The following PYROXD1 variants were observed in gnomAD, a reference collection of about 807,000 sequenced individuals.
PYROXD1 encodes the protein tRNA ligase complex-associated NAD(P)H dehydrogenase PYROXD1.
In PYROXD1, 42 loss-of-function variants were observed where a neutral mutation model predicts 62.0. The observed-to-expected ratio is 0.68, with a 90% CI of 0.53 to 0.88. The LOEUF (loss-of-function observed/expected upper bound fraction) is 0.88. Among genes scored for constraint, PYROXD1 ranks in the 40% least tolerant of loss-of-function variants. The pLI, the probability that PYROXD1 is intolerant of heterozygous loss-of-function variation, is 0.00. For missense variants in PYROXD1, 493 were observed against 604.8 expected (o/e 0.82, Z 1.94); for synonymous variants, 170 against 206.4 (o/e 0.82, Z 1.51).
At position 21,462,787 on chromosome 12, in the gene PYROXD1, C is replaced by T; in HGVS notation, c.1041C>T (p.His347=). ...DGGLKVDDHM[H]TSLPDIYAAG... ...GCCTGAAAGTGGATGATCATATGCA[C>T]ACATCCCTTCCTGATATCTATGCTG... Residue 347 remains histidine (H), a synonymous_variant, in exon 10 of 12, where the codon CAC becomes CAT. Coordinates refer to ENST00000240651, the MANE Select transcript of PYROXD1 (RefSeq NM_024854.5). 6.2e-7 allele frequency: 1 copy of T among 1,613,810 alleles called. No individual in the cohort carries two copies. Among genetic ancestry groups the T allele is most frequent in the South Asian group, 1.1e-5 (1 of 91,086 alleles).
In PYROXD1 at chr12:21,468,974, A is replaced by G; in HGVS notation, c.*220A>G. The G allele has an allele frequency of 2.4e-6, 1 of 408,732 alleles. No homozygotes were observed. The highest frequency in any genetic ancestry group is 3.1e-5 in the South Asian group (1 of 32,004). The allele number at this position is 408,732 out of a possible 1,614,324, so 25.3% of individuals were successfully genotyped here. A position where few individuals can be genotyped will look rare whatever the true frequency, so the allele number is the denominator to read the frequency against. The stretch of plus-strand genomic sequence containing the variant: ...CTTTCCAATACAACACTGACCGCTT[A>G]GATAAAAATCTTAAGTTATTTATTT... On this transcript the variant is annotated 3_prime_UTR_variant, in exon 12 of 12. Coordinates refer to ENST00000240651, the MANE Select transcript of PYROXD1 (RefSeq NM_024854.5).
intron 4 of PYROXD1, among the ~76,000 whole-genome samples, chr12:21,451,761 T>A (rs1282871496): frequency 1.3e-5 from 2 of 152,126 alleles, no homozygotes; most frequent in Non-Finnish European, 2.9e-5. Context: ...AATAATTGAT[T>A]TGGTCAAATA....
At chr12:21,443,449 A>G (rs1942332361) in intron 2 of PYROXD1, among the ~76,000 whole-genome samples, 1 of 152,178 alleles carries the variant, frequency 6.6e-6, no homozygotes. Context: ...CCATTAATTT[A>G]TATTCACATT....
At chr12:21,465,037 T>A (rs1364203738) in intron 10 of PYROXD1, among the ~76,000 whole-genome samples, 2 of 152,218 alleles carry the variant, frequency 1.3e-5, no homozygotes, top group Non-Finnish European at 2.9e-5. Flanking sequence ...CCATGGTGTA[T>A]ATGTGCCACA....
intron 1 of PYROXD1, among the ~76,000 whole-genome samples, chr12:21,440,110 T>C (rs1397243110): frequency 1.3e-5 from 2 of 152,204 alleles, no homozygotes; most frequent in Non-Finnish European, 2.9e-5. Context: ...GGATATTTCT[T>C]TATATCACTT....
rs375439030 is a variant in PYROXD1, at chr12:21,456,054, C to T, written c.709C>T (p.Pro237Ser). The change falls in exon 7 of 12, where the codon CCA (proline) becomes TCA (serine). Residue 237 changes from proline (P) to serine (S), a missense_variant. By Grantham distance (74) the Pro-to-Ser change is moderately conservative. Coordinates refer to ENST00000240651, the MANE Select transcript of PYROXD1 (RefSeq NM_024854.5). ...AGATAATGTAGGAAGTGCATTGGGA[C>T]CAGATTGGCATGAAGGCTTGAATCT... ...KADNVGSALGPDWHEGLNLKG... is the reference protein window; with the variant it reads ...KADNVGSALGSDWHEGLNLKG... 2 of 1,611,194 alleles carry T rather than the reference C, an allele frequency of 1.2e-6. No individual in the cohort carries two copies. The highest frequency in any genetic ancestry group is 1.7e-5 in the Admixed American group (1 of 59,782).
intron 7 of PYROXD1, chr12:21,456,916 T>G (rs944552899): frequency 4.4e-6 from 2 of 452,162 alleles, no homozygotes; most frequent in Non-Finnish European, 8.9e-6. Flanking sequence ...GATAACTACG[T>G]TCTTTGCTCA....
At position 21,437,810 on chromosome 12, in the gene PYROXD1, A is replaced by T; in HGVS notation, c.80A>T (p.Glu27Val). Residue 27 changes from glutamate (E) to valine (V), a missense_variant, in exon 1 of 12, where the codon GAG (glutamate) becomes GTG (valine). Coordinates refer to ENST00000240651, the MANE Select transcript of PYROXD1 (RefSeq NM_024854.5). ...GGCATCGCGGGCGTCACTTGTGCGG[A>T]GCAGGTAGGGCGGTGCTCAGGCGGT... ...GGGIAGVTCA[E>V]QLATHFPSED... 6.2e-7 allele frequency: 1 copy of T among 1,612,358 alleles called. No homozygotes were observed. The highest frequency in any genetic ancestry group is 8.5e-7 in the Non-Finnish European group (1 of 1,179,524).
chr12:21,468,223 C>T (rs905830116), intron 11 of PYROXD1, among the ~76,000 whole-genome samples: 1 of 151,986 alleles, frequency 6.6e-6, no homozygotes, highest in African/African-American at 2.4e-5. Context: ...GAATCACCTA[C>T]CTATATTCAC....
rs376538227 is a variant in PYROXD1 at position 21,437,693 on chromosome 12, C to A, written c.-38C>A. 2.5e-6 allele frequency: 4 copies of A among 1,584,750 alleles called. No individual in the cohort carries two copies. The highest frequency in any genetic ancestry group is 3.4e-6 in the Non-Finnish European group (4 of 1,164,520). ...CCTGGAGTCCAGAGTCCCGTTGCTC[C>A]GCCGCGATATTCAGTAAACCACTGG... is the stretch of plus-strand genomic sequence containing the variant. On this transcript the variant is annotated 5_prime_UTR_variant, in exon 1 of 12. Coordinates refer to ENST00000240651, the MANE Select transcript of PYROXD1 (RefSeq NM_024854.5).
intron 5 of PYROXD1, among the ~76,000 whole-genome samples, chr12:21,453,578 A>G (rs796081621): frequency 2.0e-5 from 3 of 152,070 alleles, no homozygotes; most frequent in East Asian, 1.9e-4. Flanking sequence ...CAAAACCGTA[A>G]TATCTCATTG....
chr12:21,456,928 C>G, intron 7 of PYROXD1: 1 of 448,526 alleles, frequency 2.2e-6, no homozygotes. Flanking sequence ...CTTTGCTCAT[C>G]CATGAGAAAC....
chr12:21,458,066 G>A (rs1942632010), intron 7 of PYROXD1, among the ~76,000 whole-genome samples: 1 of 152,144 alleles, frequency 6.6e-6, no homozygotes, highest in African/African-American at 2.4e-5. Context: ...CCTGTCCTTT[G>A]AAGCCAGGCA....
chr12:21,456,346 C>T (rs4306326), intron 7 of PYROXD1, among the ~76,000 whole-genome samples: 1 of 151,992 alleles, frequency 6.6e-6, no homozygotes, highest in East Asian at 1.9e-4. Flanking sequence ...AATATATATA[C>T]AGTCATACCT....
chr12:21,452,052 A>C (rs1231167749), intron 4 of PYROXD1, 29 bp from the exon 5 acceptor site: 1 of 1,352,080 alleles, frequency 7.4e-7, no homozygotes, highest in African/African-American at 1.5e-5. Context: ...ATTACAAAAT[A>C]CTACCTCATT....
rs1942690787 is a variant in PYROXD1, at chr12:21,461,124, A to G, written c.850A>G (p.Arg284Gly). ...ILKKKSFTFP[R>G]DHKSVTADTE... ...GAAGAAAAAGTCCTTCACTTTTCCA[A>G]GAGACCATAAGTCAGTTACAGCTGA... Residue 284 changes from arginine (R) to glycine (G), a missense_variant, in exon 8 of 12, where the codon AGA becomes GGA. Around this residue, in one of 2 missense-constraint regions of PYROXD1, gnomAD observed 329 missense variants for 446.6 expected, o/e 0.74. Coordinates refer to ENST00000240651, the MANE Select transcript of PYROXD1 (RefSeq NM_024854.5). The G allele has an allele frequency of 4.4e-6, 7 of 1,585,128 alleles. No homozygotes were observed. The highest frequency in any genetic ancestry group is 4.6e-5 in the East Asian group (2 of 43,890).
chr12:21,455,104 C>T, intron 5 of PYROXD1, 28 bp from the exon 6 acceptor site: 1 of 1,314,492 alleles, frequency 7.6e-7, no homozygotes, highest in Non-Finnish European at 9.9e-7. Flanking sequence ...TTTGAAATCA[C>T]TCTTAGTAAC....
Position 21,468,486 on chromosome 12 carries a change from C to A in PYROXD1, c.1255-20C>A. 6.3e-7 allele frequency: 1 copy of A among 1,599,522 alleles called. No individual in the cohort carries two copies. The highest frequency in any genetic ancestry group is 1.1e-5 in the South Asian group (1 of 89,700). The stretch of plus-strand genomic sequence containing the variant: ...TCTTTATGATACTCATGACAATAAC[C>A]TTTTTATCTCTAAATATAGGTTGTA... On this transcript the variant is annotated intron_variant, in intron 11 of 11. Coordinates refer to ENST00000240651, the MANE Select transcript of PYROXD1 (RefSeq NM_024854.5).
At chr12:21,445,231 CTTGT>C (rs1378491622) in intron 2 of PYROXD1, 112 bp from the exon 3 acceptor site, 2 of 1,135,274 alleles carry the variant, frequency 1.8e-6, no homozygotes, top group East Asian at 2.8e-5. Flanking sequence ...AGTTGGCTAA[CTTGT>C]TTGTTTTATA....
Sources: allele counts gnomAD v4.1 joint callset (sites outside exome capture counted in the v4.1 genomes callset), GRCh38; gene constraint gnomAD v4.1.1; regional missense constraint gnomAD v4.1.1; transcripts MANE v1.5; gene names NCBI Gene and HGNC (gene_info 2026-07-23, HGNC 2026-07-21).